Variants in PLEKHA6 observed in about 807,000 individuals in gnomAD.
PLEKHA6 encodes pleckstrin homology domain-containing family A member 6.
PLEKHA6 carries 60 observed loss-of-function variants against 116.7 expected under a neutral mutation model. The observed-to-expected ratio is 0.51, with a 90% CI of 0.42 to 0.64. The LOEUF (loss-of-function observed/expected upper bound fraction) is 0.64, where lower values mean the gene tolerates loss of function less well. Among genes scored for constraint, PLEKHA6 ranks in the 30% least tolerant of loss-of-function variants. The pLI, the probability that PLEKHA6 is intolerant of heterozygous loss-of-function variation, is 0.00. For synonymous variants in PLEKHA6, 489 were observed against 556.1 expected (o/e 0.88, Z 1.70); for missense variants, 1,338 against 1,422.7 (o/e 0.94, Z 0.96).
At chr1:204,320,526 A>G (rs1672022612) in intron 1 of PLEKHA6, 3 of 974,542 alleles carry the variant, frequency 3.1e-6, no homozygotes, top group Non-Finnish European at 3.7e-6. Flanking sequence ...ACTAGAAACC[A>G]TAACTTAGCA....
chr1:204,315,285 C>T (rs1441258942), intron 1 of PLEKHA6, among the ~76,000 whole-genome samples: 3 of 152,182 alleles, frequency 2.0e-5, no homozygotes, highest in Non-Finnish European at 4.4e-5. Context: ...CCTCCCCTGC[C>T]TGCTACATAA....
intron 17 of PLEKHA6, among the ~76,000 whole-genome samples, chr1:204,233,940 G>A (rs1392041691): frequency 6.6e-6 from 1 of 152,112 alleles, no homozygotes; most frequent in Non-Finnish European, 1.5e-5. Context: ...TTGGTGTTAG[G>A]TGAATGTATT....
intron 1 of PLEKHA6, among the ~76,000 whole-genome samples, chr1:204,278,201 G>C (rs770911226): frequency 1.3e-5 from 2 of 152,164 alleles, no homozygotes; most frequent in Non-Finnish European, 2.9e-5. Flanking sequence ...GAAGGTCATC[G>C]CTGCCATCCC....
chr1:204,304,300 C>T (rs76393569), intron 1 of PLEKHA6, among the ~76,000 whole-genome samples: 1,586 of 152,242 alleles, frequency 0.01, 25 homozygotes, highest in African/African-American at 0.035. Flanking sequence ...ATTCCTTCAC[C>T]GGGGGCCTGA....
chr1:204,348,259 C>A (rs1400860842), intron 1 of PLEKHA6, among the ~76,000 whole-genome samples: 2 of 152,188 alleles, frequency 1.3e-5, no homozygotes, highest in Non-Finnish European at 2.9e-5. Flanking sequence ...GCTTCTTGAC[C>A]CTCTGCAACC....
At chr1:204,289,079 G>GC (rs1443956428) in intron 1 of PLEKHA6, among the ~76,000 whole-genome samples, 17 of 152,168 alleles carry the variant, frequency 1.1e-4, no homozygotes, top group African/African-American at 3.9e-4. Context: ...CAAATGAGCA[G>GC]CGCCGGGCTT....
Position 204,277,974 on chromosome 1 carries a change from T to C in PLEKHA6, c.-94-3165A>G, listed in dbSNP as rs1479200864. ...GGCTTGCAAGGAAGAGGGCAGCAAA[T>C]GGGGCTTGAGAGGGGGTCACTGTGT... On this transcript the variant is annotated intron_variant, in intron 1 of 22. Coordinates refer to ENST00000272203, the MANE Select transcript of PLEKHA6 (RefSeq NM_014935.5). This position sits in a 1 kb window ranked among gnomAD's most constrained non-coding sequence, Gnocchi z 4.1. 1 of 152,154 alleles carries C rather than the reference T, an allele frequency of 6.6e-6. No homozygotes were observed. The highest frequency in any genetic ancestry group is 1.5e-5 in the Non-Finnish European group (1 of 68,066). 9.4% of individuals were successfully genotyped at this position (152,154 alleles called of 1,614,324 possible).
rs1443269847 is a variant in PLEKHA6, at chr1:204,228,983, T to G, written c.2705A>C (p.Lys902Thr). The G allele has an allele frequency of 6.2e-7, 1 of 1,614,202 alleles. No individual in the cohort carries two copies. Among genetic ancestry groups the G allele is most frequent in the Admixed American group, 1.7e-5 (1 of 60,028 alleles). ...ATAATGCTGGGGCTCTAGCTCCATTTTGCGAAGCCGGGCAATTTCCTCCCG... is the reference window on the plus strand; with the variant it reads ...ATAATGCTGGGGCTCTAGCTCCATTGTGCGAAGCCGGGCAATTTCCTCCCG... ...TPREEIARLR[K>T]MELEPQHYDV... is the part of the protein sequence containing the mutation. Residue 902 changes from lysine to threonine, a missense_variant, in exon 19 of 23, where the codon AAA becomes ACA. Coordinates refer to ENST00000272203, the MANE Select transcript of PLEKHA6 (RefSeq NM_014935.5). The surrounding 1 kb of genome is among the most constrained non-coding windows in gnomAD (Gnocchi z 4.0).
intron 9 of PLEKHA6, among the ~76,000 whole-genome samples, chr1:204,253,687 G>C (rs1485212826): frequency 6.6e-6 from 1 of 152,148 alleles, no homozygotes; most frequent in East Asian, 1.9e-4. Flanking sequence ...TAATTAGCCA[G>C]GTGTGGTGGC....
intron 1 of PLEKHA6, among the ~76,000 whole-genome samples, chr1:204,288,512 G>C (rs1188882090): frequency 6.6e-6 from 1 of 152,212 alleles, no homozygotes; most frequent in Non-Finnish European, 1.5e-5. Flanking sequence ...TGCCTGGCGG[G>C]CCAATAGAGG....
rs1334520340 is a variant in PLEKHA6, at chr1:204,222,289, G to C, written c.*499C>G. 1 of 152,916 alleles carries C rather than the reference G, an allele frequency of 6.5e-6. No homozygotes were observed. The highest frequency in any genetic ancestry group is 1.5e-5 in the Non-Finnish European group (1 of 68,308). 9.5% of individuals were successfully genotyped at this position (152,916 alleles called of 1,614,324 possible). On this transcript the variant is annotated 3_prime_UTR_variant, in exon 23 of 23. Coordinates refer to ENST00000272203, the MANE Select transcript of PLEKHA6 (RefSeq NM_014935.5). ...GGGTCCAGCTGAGGCAGTAGGGTGG[G>C]GCTGACGAGGATAGGGATGATGACA... is the stretch of plus-strand genomic sequence containing the variant.
chr1:204,358,884 C>T (rs1406294310), intron 1 of PLEKHA6, among the ~76,000 whole-genome samples: 4 of 151,812 alleles, frequency 2.6e-5, no homozygotes, highest in Non-Finnish European at 4.4e-5. Flanking sequence ...CCTCTTCTCC[C>T]TTCTTCTCCC....
intron 1 of PLEKHA6, among the ~76,000 whole-genome samples, chr1:204,333,345 C>A (rs1672528375): frequency 6.6e-6 from 1 of 152,206 alleles, no homozygotes; most frequent in Non-Finnish European, 1.5e-5. Flanking sequence ...CTTCTTTACT[C>A]TACTGGGGAG....
At chr1:204,247,484 T>A in intron 12 of PLEKHA6, 24 bp from the exon 13 acceptor site, 1 of 1,496,422 alleles carries the variant, frequency 6.7e-7, no homozygotes. Flanking sequence ...AGGCGTTCAC[T>A]GAGAAAGCCG....
intron 1 of PLEKHA6, chr1:204,301,468 A>G: frequency 1.0e-6 from 1 of 985,438 alleles, no homozygotes; most frequent in Non-Finnish European, 1.2e-6. Flanking sequence ...TCAGGTATAG[A>G]CATGCCCACA....
At chr1:204,324,893 G>A (rs559430248) in intron 1 of PLEKHA6, among the ~76,000 whole-genome samples, 1 of 152,258 alleles carries the variant, frequency 6.6e-6, no homozygotes, top group Admixed American at 6.5e-5. Context: ...GAAGAGAGGA[G>A]ATGCAGGAAT....
chr1:204,311,084 G>T (rs1266924903), intron 1 of PLEKHA6, among the ~76,000 whole-genome samples: 1 of 152,210 alleles, frequency 6.6e-6, no homozygotes, highest in African/African-American at 2.4e-5. Flanking sequence ...CCCAGCCGGT[G>T]CAGGAAAAGG....
intron 1 of PLEKHA6, among the ~76,000 whole-genome samples, chr1:204,349,855 C>T (rs4951067): frequency 0.54 from 82,368 of 152,134 alleles, 25,587 homozygotes; most frequent in East Asian, 0.82. Flanking sequence ...AAAGAAGTGA[C>T]TCATCTGTGA....
intron 1 of PLEKHA6, among the ~76,000 whole-genome samples, chr1:204,282,464 G>A (rs961255730): frequency 6.6e-6 from 1 of 152,046 alleles, no homozygotes; most frequent in African/African-American, 2.4e-5. Context: ...CAAGTCCCTC[G>A]AGTGTCCCTG....
Sources: allele counts gnomAD v4.1 joint callset (sites outside exome capture counted in the v4.1 genomes callset), GRCh38; gene constraint gnomAD v4.1.1; non-coding constraint Gnocchi (gnomAD v3.1); transcripts MANE v1.5; gene names NCBI Gene and HGNC (gene_info 2026-07-23, HGNC 2026-07-21).